Variants in FCHO1 observed in about 807,000 individuals in gnomAD.
FCHO1 encodes the protein F-BAR domain only protein 1.
FCHO1 carries 45 observed loss-of-function variants against 114.4 expected under a neutral mutation model. The observed-to-expected ratio is 0.39, with a 90% CI of 0.31 to 0.50. FCHO1 has a LOEUF of 0.50. Among genes scored for constraint, FCHO1 ranks in the 20% least tolerant of loss-of-function variants. FCHO1 has a pLI of 0.77. For synonymous variants in FCHO1, 480 were observed against 488.9 expected, an observed-to-expected ratio of 0.98 and a Z score of 0.24; for missense variants, 1,042 against 1,209.6, an observed-to-expected ratio of 0.86 and a Z score of 2.06.
rs1336566500 is a variant in FCHO1 at position 17,783,027 on chromosome 19, C to A, written c.1948C>A (p.Arg650=). ...FRGHSPSCLA[R]VTGELTMTFP... is the part of the protein sequence containing the mutation. ...CCTCATCCTCCCTAGCTGCCTGGCTCGAGTAACTGGGGAGCTGACCATGAC... is the reference window on the plus strand; with the variant it reads ...CCTCATCCTCCCTAGCTGCCTGGCTAGAGTAACTGGGGAGCTGACCATGAC... The change falls in exon 24 of 29, where the codon CGA becomes AGA. Residue 650 remains arginine, a synonymous_variant. Coordinates refer to ENST00000596536, the MANE Select transcript of FCHO1 (RefSeq NM_015122.3). The A allele has an allele frequency of 6.2e-7, 1 of 1,614,032 alleles. No homozygotes were observed.
chr19:17,766,917 A>C, intron 7 of FCHO1, 107 bp downstream of exon 7: 4 of 1,201,536 alleles, frequency 3.3e-6, no homozygotes, highest in Non-Finnish European at 4.6e-6. Flanking sequence ...TCCGCCTCCG[A>C]GAATTCCGTT....
chr19:17,782,956 G>T, intron 23 of FCHO1, 61 bp from the exon 24 acceptor site: 1 of 1,578,694 alleles, frequency 6.3e-7, no homozygotes, highest in Non-Finnish European at 8.6e-7. Context: ...CCAAGAGAAG[G>T]GGAAGGATGA....
intron 3 of FCHO1, 124 bp from the exon 4 acceptor site, chr19:17,754,994 C>T: frequency 2.7e-6 from 2 of 730,550 alleles, no homozygotes; most frequent in Non-Finnish European, 5.0e-6. Flanking sequence ...CTGGCATGCT[C>T]TTAGCATTGG....
intron 7 of FCHO1, among the ~76,000 whole-genome samples, chr19:17,767,395 C>CAA (rs3083683): frequency 1.5e-5 from 2 of 130,768 alleles, no homozygotes; most frequent in Admixed American, 8.1e-5. Context: ...CCATCTTTAC[C>CAA]AAAAAAAAAA....
intron 7 of FCHO1, among the ~76,000 whole-genome samples, chr19:17,768,181 G>A (rs2090072576): frequency 6.6e-6 from 1 of 152,122 alleles, no homozygotes; most frequent in Admixed American, 6.5e-5. Flanking sequence ...CAATTCTCCT[G>A]CCTCAGCCTC....
intron 4 of FCHO1, among the ~76,000 whole-genome samples, chr19:17,756,483 AC>A (rs1210918898): frequency 1.3e-5 from 2 of 151,686 alleles, no homozygotes; most frequent in Non-Finnish European, 2.9e-5. Flanking sequence ...AATAGAAACC[AC>A]CCCCGACTTC....
Position 17,778,618 on chromosome 19 carries a change from G to A in FCHO1, c.1361G>A (p.Ser454Asn). 1.3e-6 allele frequency: 2 copies of A among 1,565,318 alleles called. No homozygotes were observed. The highest frequency in any genetic ancestry group is 1.7e-6 in the Non-Finnish European group (2 of 1,157,068). ...CGCTTCCCTCCCCAAGGCTCTAGCA[G>A]CCTGGGCTTCACCTCCAGCCCCTCC... is the stretch of plus-strand genomic sequence containing the variant. ...FDHEDFTGSSSLGFTSSPSPF... is the reference protein window; with the variant it reads ...FDHEDFTGSSNLGFTSSPSPF... Residue 454 changes from serine to asparagine, a missense_variant, in exon 20 of 29, where the codon AGC becomes AAC. Physicochemically the swap from Ser to Asn is conservative, Grantham distance 46 (BLOSUM62 1). Transcript: ENST00000596536.
At position 17,788,251 on chromosome 19, in the gene FCHO1, CCACCCCTCCCCCT is replaced by C; in HGVS notation, c.2648-29_2648-17del. On this transcript the variant is annotated intron_variant, in intron 28 of 28. Transcript: ENST00000596536. ...GGAACCCCTCCCGTACCCCTCCTCC[CCACCCCTCCCCCT>C]CACAGCTGCACCCCCACAGGGATGT... is the stretch of plus-strand genomic sequence containing the variant. 4.4e-6 allele frequency: 6 copies of C among 1,368,440 alleles called. No individual in the cohort carries two copies. Among genetic ancestry groups the C allele is most frequent in the Middle Eastern group, 1.9e-4 (1 of 5,182 alleles). 84.8% of individuals were successfully genotyped at this position (1,368,440 alleles called of 1,614,324 possible).
chr19:17,775,125 GTTTGATC>G lies in FCHO1; in HGVS notation c.945+46_945+52del. 6.3e-7 allele frequency: 1 copy of G among 1,590,936 alleles called. No individual in the cohort carries two copies. Among genetic ancestry groups the G allele is most frequent in the Non-Finnish European group, 8.6e-7 (1 of 1,164,616 alleles). On this transcript the variant is annotated intron_variant, in intron 14 of 28. Coordinates refer to ENST00000596536, the MANE Select transcript of FCHO1 (RefSeq NM_015122.3). This position sits in a 1 kb window ranked among gnomAD's most constrained non-coding sequence, Gnocchi z 5.1. ...TCAGGCTGGGCTACAAGTGGAAGGA[GTTTGATC>G]CCACTCTTGGCTCCTAGAGTCCCGA...
intron 7 of FCHO1, among the ~76,000 whole-genome samples, chr19:17,768,709 CAA>C (rs34106142): frequency 7.3e-5 from 8 of 109,600 alleles, no homozygotes; most frequent in Non-Finnish European, 7.4e-5. Flanking sequence ...CAAAACAAGG[CAA>C]AAAAAAAAAA....
chr19:17,771,046 G>A (rs1370927510), intron 9 of FCHO1, 150 bp downstream of exon 9: 9 of 607,158 alleles, frequency 1.5e-5, no homozygotes, highest in Non-Finnish European at 2.6e-5. Flanking sequence ...CTGAGGTCAG[G>A]AGTTTGAGAC....
intron 6 of FCHO1, among the ~76,000 whole-genome samples, chr19:17,764,896 C>T (rs145789687): frequency 1.3e-5 from 2 of 151,592 alleles, no homozygotes; most frequent in African/African-American, 4.9e-5. Flanking sequence ...TGAAACTCCT[C>T]TCTACTAAAA....
chr19:17,774,688 C>G, intron 13 of FCHO1: 1 of 594,498 alleles, frequency 1.7e-6, no homozygotes. Flanking sequence ...AGAATTCTTC[C>G]TTTTGCTAGG....
At chr19:17,754,555 C>G (rs1460795736) in intron 2 of FCHO1, 37 bp from the exon 3 acceptor site, 1 of 155,976 alleles carries the variant, frequency 6.4e-6, no homozygotes, top group Non-Finnish European at 1.4e-5. Context: ...TGATCACAGC[C>G]CCTGCATCTA....
At chr19:17,771,676 T>A (rs927179296) in intron 9 of FCHO1, among the ~76,000 whole-genome samples, 1 of 151,268 alleles carries the variant, frequency 6.6e-6, no homozygotes, top group Non-Finnish European at 1.5e-5. Flanking sequence ...CTCAAAAAAA[T>A]AAAAAATAAA....
chr19:17,784,364 G>A lies in FCHO1; in HGVS notation c.2226+129G>A. On this transcript the variant is annotated intron_variant, in intron 25 of 28. Coordinates refer to ENST00000596536, the MANE Select transcript of FCHO1 (RefSeq NM_015122.3). The surrounding 1 kb of genome is among the most constrained non-coding windows in gnomAD (Gnocchi z 5.3). ...TTCCTGACCTCAAGAGATCCAATCT[G>A]TGAGAGCCGATGAGCTGGAGGGAGT... 1 of 1,196,510 alleles carries A rather than the reference G, an allele frequency of 8.4e-7. No individual in the cohort carries two copies. The highest frequency in any genetic ancestry group is 1.5e-5 in the South Asian group (1 of 67,732). 74.1% of individuals were successfully genotyped at this position (1,196,510 alleles called of 1,614,324 possible).
chr19:17,782,896 G>A, intron 23 of FCHO1, 121 bp from the exon 24 acceptor site: 1 of 1,095,500 alleles, frequency 9.1e-7, no homozygotes, highest in South Asian at 1.6e-5. Flanking sequence ...GATCATCAGG[G>A]CCATCCTCCT....
rs764997264 is a variant in FCHO1 at position 17,775,020 on chromosome 19, G to A, written c.921-36G>A. 29 of 1,612,792 alleles carry A rather than the reference G, an allele frequency of 1.8e-5. No individual in the cohort carries two copies. The highest frequency in any genetic ancestry group is 1.4e-4 in the South Asian group (13 of 90,964). On this transcript the variant is annotated intron_variant, in intron 13 of 28. Coordinates refer to ENST00000596536, the MANE Select transcript of FCHO1 (RefSeq NM_015122.3). This position sits in a 1 kb window ranked among gnomAD's most constrained non-coding sequence, Gnocchi z 5.1. Reference sequence around the variant, plus strand: ...TGACAGGGGGCACCAGATGGGCTGCGGAAGCTGACACCAACATCTCTTCCT... The same window carrying A: ...TGACAGGGGGCACCAGATGGGCTGCAGAAGCTGACACCAACATCTCTTCCT...
At position 17,755,118 on chromosome 19, in the gene FCHO1, A is replaced by G. The variant is rs1199883942; in HGVS notation, c.-47A>G. 1 of 1,605,632 alleles carries G rather than the reference A, an allele frequency of 6.2e-7. No individual in the cohort carries two copies. Among genetic ancestry groups the G allele is most frequent in the South Asian group, 1.1e-5 (1 of 90,894 alleles). ...AGCTCAAACTTGCCTCTCTCTTCAGACAGGCACTGGACGGGGCCTGCAGGG... is the reference window on the plus strand; with the variant it reads ...AGCTCAAACTTGCCTCTCTCTTCAGGCAGGCACTGGACGGGGCCTGCAGGG... On this transcript the variant is annotated splice_region_variant and 5_prime_UTR_variant, in exon 4 of 29. Coordinates refer to ENST00000596536, the MANE Select transcript of FCHO1 (RefSeq NM_015122.3).
Sources: allele counts gnomAD v4.1 joint callset (sites outside exome capture counted in the v4.1 genomes callset), GRCh38; gene constraint gnomAD v4.1.1; non-coding constraint Gnocchi (gnomAD v3.1); transcripts MANE v1.5; gene names NCBI Gene and HGNC (gene_info 2026-07-23, HGNC 2026-07-21).